The following CPSF7 variants were observed in gnomAD, a reference collection of about 807,000 sequenced individuals.
The protein encoded by CPSF7 is cleavage and polyadenylation specific factor 7, also known as cleavage and polyadenylation specificity factor subunit 7.
In CPSF7, 1 loss-of-function variant was observed where a neutral mutation model predicts 44.3. The observed-to-expected ratio is 0.02, with a 90% CI of 0.01 to 0.11. The LOEUF is 0.11. Among genes scored for constraint, CPSF7 ranks in the 10% least tolerant of loss-of-function variants. CPSF7 has a pLI of 1.00. For missense variants in CPSF7, 443 were observed against 607.2 expected (o/e 0.73, Z 2.84); for synonymous variants, 202 against 222.0 (o/e 0.91, Z 0.80).
At chr11:61,413,326 ATATGTATAC>A (rs1355663696) in intron 7 of CPSF7, among the ~76,000 whole-genome samples, 1 of 152,154 alleles carries the variant, frequency 6.6e-6, no homozygotes, top group Non-Finnish European at 1.5e-5. Flanking sequence ...TATGCGTAGT[ATATGTATAC>A]ATTAAAAAAA....
rs1859075129 is a variant in CPSF7, at chr11:61,403,726, C to T, written c.*984G>A. 1.3e-5 allele frequency: 2 copies of T among 152,208 alleles called. No homozygotes were observed. The highest frequency in any genetic ancestry group is 2.9e-5 in the Non-Finnish European group (2 of 68,054). The allele number at this position is 152,208 out of a possible 1,614,324, so 9.4% of individuals were successfully genotyped here. ...AAAAAGAAAAGCCTATGGAAGTAGGCCATATCCTGCCCAACTTGCTTCTTT... is the reference window on the plus strand; with the variant it reads ...AAAAAGAAAAGCCTATGGAAGTAGGTCATATCCTGCCCAACTTGCTTCTTT... On this transcript the variant is annotated 3_prime_UTR_variant, in exon 10 of 10. Coordinates refer to ENST00000439958, the MANE Select transcript of CPSF7 (RefSeq NM_001142565.3).
chr11:61,418,240 A>AT (rs1860523717), intron 5 of CPSF7, among the ~76,000 whole-genome samples: 1 of 152,196 alleles, frequency 6.6e-6, no homozygotes, highest in Non-Finnish European at 1.5e-5. Context: ...ACAAGGCACT[A>AT]TTTTGAGAGC....
chr11:61,424,732 C>G (rs1222650684), intron 2 of CPSF7, among the ~76,000 whole-genome samples: 1 of 152,170 alleles, frequency 6.6e-6, no homozygotes, highest in Non-Finnish European at 1.5e-5. Context: ...GGATTACAGG[C>G]GTAAGCCACT....
At position 61,429,918 on chromosome 11, in the gene CPSF7, A is replaced by G. The variant is rs1861804916; in HGVS notation, c.-60T>C. The G allele has an allele frequency of 3.4e-6, 5 of 1,481,862 alleles. No homozygotes were observed. The Admixed American group carries it at 6.4e-5, about 19-fold the overall frequency. 91.8% of individuals were successfully genotyped at this position (1,481,862 alleles called of 1,614,324 possible). ...CCGACCGCGCGCCCCCGTTACCGGG[A>G]ATATGGCGGCGGCGGCGGCGAGTCC... is the stretch of plus-strand genomic sequence containing the variant. On this transcript the variant is annotated 5_prime_UTR_variant, in exon 1 of 10. Transcript: ENST00000439958.
chr11:61,421,691 T>A (rs1002770492), intron 2 of CPSF7, 83 bp from the exon 3 acceptor site: 7 of 984,584 alleles, frequency 7.1e-6, no homozygotes, highest in Non-Finnish European at 1.1e-5. Flanking sequence ...TAGAATCCAG[T>A]TAAATACTTG....
intron 7 of CPSF7, among the ~76,000 whole-genome samples, chr11:61,413,673 AG>A (rs1299278872): frequency 6.6e-6 from 1 of 152,018 alleles, no homozygotes; most frequent in East Asian, 1.9e-4. Context: ...ATAAAAAACT[AG>A]GCCTTTCATT....
chr11:61,416,229 G>C lies in CPSF7; in HGVS notation c.814C>G (p.Pro272Ala). The C allele has an allele frequency of 6.5e-7, 1 of 1,532,482 alleles. No individual in the cohort carries two copies. The highest frequency in any genetic ancestry group is 8.8e-7 in the Non-Finnish European group (1 of 1,141,714). 94.9% of individuals were successfully genotyped at this position (1,532,482 alleles called of 1,614,324 possible). The change falls in exon 6 of 10, where the codon CCC (proline) becomes GCC (alanine). Residue 272 changes from proline to alanine, a missense_variant. By Grantham distance (27) the Pro-to-Ala change is conservative. Coordinates refer to ENST00000439958, the MANE Select transcript of CPSF7 (RefSeq NM_001142565.3). Reference sequence around the variant, plus strand: ...AGGGCAGGTGGGATGGCCCCAGGGGGAGGTACAGCAAGATGAGGAGGTAAT... The same window carrying C: ...AGGGCAGGTGGGATGGCCCCAGGGGCAGGTACAGCAAGATGAGGAGGTAAT... Reference protein sequence around the residue: ...PRLPPHLAVPPPGAIPPALHL... With the variant: ...PRLPPHLAVPAPGAIPPALHL...
intron 9 of CPSF7, among the ~76,000 whole-genome samples, chr11:61,408,537 A>G (rs1859539806): frequency 6.6e-6 from 1 of 152,238 alleles, no homozygotes; most frequent in Non-Finnish European, 1.5e-5. Context: ...TCCAAGAACT[A>G]CAGACAGACC....
At position 61,408,057 on chromosome 11, in the gene CPSF7, C is replaced by CTTTTTTTT. The variant is rs111594039; in HGVS notation, c.*5+2873_*5+2880dup. Among the ~76,000 whole-genome samples, 886 of 137,682 alleles carry CTTTTTTTT rather than the reference C, an allele frequency of 6.4e-3. 12 individuals carry two copies. Among genetic ancestry groups the CTTTTTTTT allele is most frequent in the African/African-American group, 0.023 (834 of 36,060 alleles). The allele number at this position is 137,682 out of a possible 152,430, so 90.3% of individuals were successfully genotyped here. The stretch of plus-strand genomic sequence containing the variant: ...CAAGCAGGCAAATAATCAAGGACAT[C>CTTTTTTTT]TTTTTTTTTTTTTTTTTGAGACAGA... On this transcript the variant is annotated intron_variant, in intron 9 of 9. Coordinates refer to ENST00000439958, the MANE Select transcript of CPSF7 (RefSeq NM_001142565.3).
intron 9 of CPSF7, among the ~76,000 whole-genome samples, chr11:61,409,846 G>A (rs571018294): frequency 7.9e-5 from 12 of 152,014 alleles, no homozygotes; most frequent in African/African-American, 7.2e-5. Context: ...GGTGACGCGC[G>A]CCTGTAGCCC....
At chr11:61,425,317 C>A (rs1030160435) in intron 2 of CPSF7, among the ~76,000 whole-genome samples, 1 of 152,066 alleles carries the variant, frequency 6.6e-6, no homozygotes, top group Non-Finnish European at 1.5e-5. Flanking sequence ...TTTTTCTCAG[C>A]GGATTTATGC....
chr11:61,416,430 G>T lies in CPSF7; in HGVS notation c.613C>A (p.Arg205Ser), dbSNP rs752006554. 39 of 1,613,910 alleles carry T rather than the reference G, an allele frequency of 2.4e-5. No homozygotes were observed. The Admixed American group carries it at 6.5e-4, about 27-fold the overall frequency. The change falls in exon 6 of 10, where the codon CGT becomes AGT. Residue 205 changes from arginine to serine, a missense_variant. Transcript: ENST00000439958. ...PSENLVPSSA[R>S]VDKPPSVLPY... ...AGCACACTGGGGGGCTTATCCACAC[G>T]AGCAGATGAGGGTACAAGGTTCTCA...
intron 5 of CPSF7, among the ~76,000 whole-genome samples, chr11:61,418,967 C>T (rs1266119535): frequency 1.3e-5 from 2 of 151,792 alleles, no homozygotes; most frequent in African/African-American, 2.4e-5. Context: ...ATCTGCCCGC[C>T]TCAGCCTTCC....
intron 5 of CPSF7, among the ~76,000 whole-genome samples, chr11:61,417,140 G>A (rs1263714912): frequency 2.0e-5 from 3 of 152,122 alleles, no homozygotes; most frequent in Non-Finnish European, 2.9e-5. Flanking sequence ...AAAATTGGGA[G>A]ATACGCCAAT....
chr11:61,423,538 A>G (rs2135386955), intron 2 of CPSF7, among the ~76,000 whole-genome samples: 1 of 152,318 alleles, frequency 6.6e-6, no homozygotes, highest in East Asian at 1.9e-4. Flanking sequence ...CAAAACATTC[A>G]AACAATGCTA....
chr11:61,419,013 C>T (rs973671187), intron 5 of CPSF7, among the ~76,000 whole-genome samples: 1 of 151,830 alleles, frequency 6.6e-6, no homozygotes, highest in Non-Finnish European at 1.5e-5. Context: ...CCACCATGCC[C>T]AGCCCCTAAC....
intron 5 of CPSF7, 156 bp downstream of exon 5, chr11:61,419,793 T>C: frequency 2.4e-6 from 2 of 845,804 alleles, no homozygotes; most frequent in East Asian, 2.5e-5. Flanking sequence ...TGAGGACTAC[T>C]TGTCGACCAT....
At position 61,421,428 on chromosome 11, in the gene CPSF7, T is replaced by C; in HGVS notation, c.235A>G (p.Asn79Asp). ...CCCACATAAACGGCAGCTCGTCTATTACGCAGGCCACTGTAGGTATACAGA... is the reference window on the plus strand; with the variant it reads ...CCCACATAAACGGCAGCTCGTCTATCACGCAGGCCACTGTAGGTATACAGA... ...AILYTYSGLRNRRAAVYVGSF... is the reference protein window; with the variant it reads ...AILYTYSGLRDRRAAVYVGSF... Residue 79 changes from asparagine (N) to aspartate (D), a missense_variant, in exon 3 of 10, where the codon AAT (asparagine) becomes GAT (aspartate). Physicochemically the swap from Asn to Asp is conservative, Grantham distance 23. Coordinates refer to ENST00000439958, the MANE Select transcript of CPSF7 (RefSeq NM_001142565.3). 3.7e-6 allele frequency: 6 copies of C among 1,614,164 alleles called. No individual in the cohort carries two copies. Among genetic ancestry groups the C allele is most frequent in the Non-Finnish European group, 5.1e-6 (6 of 1,180,032 alleles).
chr11:61,420,233 C>T, intron 4 of CPSF7, 139 bp from the exon 5 acceptor site: 1 of 737,878 alleles, frequency 1.4e-6, no homozygotes, highest in Non-Finnish European at 2.2e-6. Flanking sequence ...GCACTAACAA[C>T]AAAGAGACAG....
Sources: allele counts gnomAD v4.1 joint callset (sites outside exome capture counted in the v4.1 genomes callset), GRCh38; gene constraint gnomAD v4.1.1; transcripts MANE v1.5; gene names NCBI Gene and HGNC (gene_info 2026-07-23, HGNC 2026-07-21).